Variants in NEO1 observed in about 807,000 individuals in gnomAD.
The protein encoded by NEO1 is neogenin.
Under a neutral mutation model 159.7 loss-of-function variants are expected in NEO1, and 63 were observed. The observed-to-expected ratio is 0.39, with a 90% confidence interval of 0.32 to 0.49. The LOEUF is 0.49. Among genes scored for constraint, NEO1 ranks in the 20% least tolerant of loss-of-function variants. NEO1 has a pLI of 0.85. For missense variants in NEO1, 1,615 were observed against 1,831.0 expected (o/e 0.88, Z 2.15); for synonymous variants, 633 against 662.0 (o/e 0.96, Z 0.67).
At chr15:73,087,622 G>T (rs2069437668) in intron 1 of NEO1, among the ~76,000 whole-genome samples, 1 of 152,044 alleles carries the variant, frequency 6.6e-6, no homozygotes, top group African/African-American at 2.4e-5. Flanking sequence ...GATGAAATGG[G>T]TCTTCTACAA....
At chr15:73,158,208 C>CTTTTTTTTTTTTTTTTTTTT in intron 5 of NEO1, among the ~76,000 whole-genome samples, 1 of 82,546 alleles carries the variant, frequency 1.2e-5, no homozygotes, top group Non-Finnish European at 2.2e-5. Context: ...GAGTGAGACT[C>CTTTTTTTTTTTTTTTTTTTT]TTTTTTTTTT....
Position 73,274,775 on chromosome 15 carries a change from A to G in NEO1, c.3193+51A>G, listed in dbSNP as rs756829425. On this transcript the variant is annotated intron_variant, in intron 21 of 28. Coordinates refer to ENST00000261908, the MANE Select transcript of NEO1 (RefSeq NM_002499.4). ...TCTTTCCTTTCTTTTGTGACCTATT[A>G]TTAGCTTTTGGTTTTTGTTTCTTTT... The G allele has an allele frequency of 1.3e-5, 19 of 1,449,728 alleles. 1 individual carries two copies. Among genetic ancestry groups the G allele is most frequent in the Middle Eastern group, 1.8e-4 (1 of 5,534 alleles). The allele number at this position is 1,449,728 out of a possible 1,614,324, so 89.8% of individuals were successfully genotyped here.
At chr15:73,092,959 C>A (rs2069779917) in intron 1 of NEO1, among the ~76,000 whole-genome samples, 1 of 151,976 alleles carries the variant, frequency 6.6e-6, no homozygotes, top group South Asian at 2.1e-4. Flanking sequence ...TTCCAGAATC[C>A]CATCCAGCAT....
Position 73,227,610 on chromosome 15 carries a change from G to A in NEO1, c.1292-8737G>A, listed in dbSNP as rs565643782. 3.3e-5 allele frequency among the ~76,000 whole-genome samples: 5 copies of A among 152,302 alleles called. No individual in the cohort carries two copies. In the South Asian group the frequency reaches 1.0e-3, roughly 32 times the overall value. Reference sequence around the variant, plus strand: ...TGCAGGCCCTTAGGTTTCAGCGACTGGGCCAGTGTGAAGCTGCTGCCAAGC... The same window carrying A: ...TGCAGGCCCTTAGGTTTCAGCGACTAGGCCAGTGTGAAGCTGCTGCCAAGC... On this transcript the variant is annotated intron_variant, in intron 7 of 28. Coordinates refer to ENST00000261908, the MANE Select transcript of NEO1 (RefSeq NM_002499.4).
chr15:73,131,405 A>G (rs2031113933), intron 4 of NEO1, among the ~76,000 whole-genome samples: 1 of 152,240 alleles, frequency 6.6e-6, no homozygotes, highest in African/African-American at 2.4e-5. Flanking sequence ...TCAAATAACA[A>G]CAAATACAAA....
chr15:73,274,796 C>CTTTTTT, intron 21 of NEO1, 72 bp downstream of exon 21: 2 of 1,074,108 alleles, frequency 1.9e-6, no homozygotes, highest in Non-Finnish European at 2.6e-6. Context: ...GTTTTTGTTT[C>CTTTTTT]TTTTTTTTTT....
In NEO1 at chr15:73,108,584, A is replaced by G. The variant is rs528396826; in HGVS notation, c.131-7956A>G. Among the ~76,000 whole-genome samples the G allele has an allele frequency of 4.4e-3, 467 of 106,862 alleles. 1 individual carries two copies. The highest frequency in any genetic ancestry group is 0.014 in the African/African-American group (437 of 32,140). The allele number at this position is 106,862 out of a possible 152,430, so 70.1% of individuals were successfully genotyped here. The stretch of plus-strand genomic sequence containing the variant: ...AACAAAAACCAAGGTGCAAATAGCC[A>G]TGGCAAGACGGGTCATTTTAATACT... On this transcript the variant is annotated intron_variant, in intron 1 of 28. Coordinates refer to ENST00000261908, the MANE Select transcript of NEO1 (RefSeq NM_002499.4).
At chr15:73,067,463 T>C (rs368451133) in intron 1 of NEO1, among the ~76,000 whole-genome samples, 15 of 151,574 alleles carry the variant, frequency 9.9e-5, no homozygotes, top group African/African-American at 3.1e-4. Context: ...TTTTTTTTTT[T>C]TTTTGAGACA....
chr15:73,103,967 A>G (rs940438301), intron 1 of NEO1, among the ~76,000 whole-genome samples: 1 of 152,110 alleles, frequency 6.6e-6, no homozygotes, highest in African/African-American at 2.4e-5. Flanking sequence ...CAGTCCTCTC[A>G]CCACAGCCTC....
In NEO1 at chr15:73,272,490, A is replaced by T. The variant is rs983909806; in HGVS notation, c.2893A>T (p.Ser965Cys). ...TSPPKDVTVVSKEGKPKTIIV... is the reference protein window; with the variant it reads ...TSPPKDVTVVCKEGKPKTIIV... ...TCCACCCAAGGATGTGACTGTTGTG[A>T]GTAAAGAGGGGAAACCTAAGACCAT... The change falls in exon 19 of 29, where the codon AGT (serine) becomes TGT (cysteine). Residue 965 changes from serine (S) to cysteine (C), a missense_variant. Physicochemically the swap from Ser to Cys is moderately radical, Grantham distance 112. Coordinates refer to ENST00000261908, the MANE Select transcript of NEO1 (RefSeq NM_002499.4). 3.7e-6 allele frequency: 6 copies of T among 1,613,962 alleles called. No homozygotes were observed. The highest frequency in any genetic ancestry group is 4.2e-6 in the Non-Finnish European group (5 of 1,179,970).
chr15:73,077,295 C>T (rs375336437), intron 1 of NEO1, among the ~76,000 whole-genome samples: 11 of 152,324 alleles, frequency 7.2e-5, no homozygotes, highest in South Asian at 4.1e-4. Context: ...CCACTCACCT[C>T]GGCCTCCCAA....
At chr15:73,112,275 C>T (rs190254594) in intron 1 of NEO1, among the ~76,000 whole-genome samples, 1 of 152,166 alleles carries the variant, frequency 6.6e-6, no homozygotes, top group Admixed American at 6.5e-5. Flanking sequence ...TCCATCCAGC[C>T]ACCTATTTGT....
Position 73,253,222 on chromosome 15 carries a change from G to C in NEO1, c.1895-178G>C, listed in dbSNP as rs187789151. ...TTATGTTAAAAATTGAACCAGGCAT[G>C]GCTATATGTCATCCACATAGTATTG... On this transcript the variant is annotated intron_variant, in intron 11 of 28. Transcript: ENST00000261908. Among the ~76,000 whole-genome samples, 3 of 152,150 alleles carry C rather than the reference G, an allele frequency of 2.0e-5. No individual in the cohort carries two copies. The South Asian group carries it at 6.2e-4, about 32-fold the overall frequency.
At chr15:73,074,497 T>C (rs1259348405) in intron 1 of NEO1, among the ~76,000 whole-genome samples, 3 of 152,238 alleles carry the variant, frequency 2.0e-5, no homozygotes, top group African/African-American at 7.2e-5. Context: ...TTCTTATGCT[T>C]TATTTCTGTG....
At chr15:73,101,603 A>G (rs1440475966) in intron 1 of NEO1, among the ~76,000 whole-genome samples, 2 of 152,176 alleles carry the variant, frequency 1.3e-5, no homozygotes, top group Non-Finnish European at 2.9e-5. Flanking sequence ...AGGCTGTAAA[A>G]TGGTATCATT....
intron 7 of NEO1, among the ~76,000 whole-genome samples, chr15:73,223,377 A>G (rs1192067538): frequency 1.3e-5 from 2 of 152,104 alleles, no homozygotes; most frequent in African/African-American, 4.8e-5. Context: ...CTGTCAGTGG[A>G]GTATTGAAGT....
intron 5 of NEO1, among the ~76,000 whole-genome samples, chr15:73,137,220 T>G (rs1345949865): frequency 1.3e-5 from 2 of 152,120 alleles, no homozygotes; most frequent in Admixed American, 6.5e-5. Context: ...AAGTGAATAA[T>G]GTATGCTATC....
rs762410623 is a variant in NEO1, at chr15:73,272,462, T to G, written c.2865T>G (p.Thr955=). The change falls in exon 19 of 29, where the codon ACT becomes ACG. Residue 955 remains threonine, a synonymous_variant. Transcript: ENST00000261908. ...AHGTTFELVP[T]SPPKDVTVVS... ...AATTTTGTTATTTTGTAGTTCCGAC[T>G]TCTCCACCCAAGGATGTGACTGTTG... 7 of 1,612,990 alleles carry G rather than the reference T, an allele frequency of 4.3e-6. No individual in the cohort carries two copies. Among genetic ancestry groups the G allele is most frequent in the Non-Finnish European group, 3.4e-6 (4 of 1,179,150 alleles).
intron 3 of NEO1, among the ~76,000 whole-genome samples, chr15:73,123,764 C>T (rs1326522080): frequency 5.9e-5 from 9 of 152,254 alleles, no homozygotes; most frequent in Admixed American, 5.2e-4. Flanking sequence ...GGTGCCCCCT[C>T]CATATTTCTC....
Sources: gnomAD v4.1 joint callset for allele counts (sites outside exome capture counted in the v4.1 genomes callset) on GRCh38, gnomAD v4.1.1 for gene constraint, MANE v1.5 for transcripts, NCBI Gene and HGNC (gene_info 2026-07-23, HGNC 2026-07-21) for gene names.